The following MRPL55 variants were observed in gnomAD, a reference collection of about 807,000 sequenced individuals.
MRPL55 encodes large ribosomal subunit protein mL55.
Under a neutral mutation model 10.6 loss-of-function variants are expected in MRPL55, and 7 were observed. The observed-to-expected ratio is 0.66, with a 90% confidence interval of 0.38 to 1.24. The LOEUF is 1.24. Ranked by LOEUF, MRPL55 falls within the 50% of genes most tolerant of loss-of-function variation. The pLI is 0.02. For missense variants in MRPL55, 148 were observed against 180.3 expected (o/e 0.82, Z 1.03); for synonymous variants, 57 against 71.8 (o/e 0.79, Z 1.04).
chr1:228,108,067 C>G, intron 3 of MRPL55, 168 bp downstream of exon 3: 5 of 1,539,054 alleles, frequency 3.2e-6, no homozygotes, highest in Non-Finnish European at 3.5e-6. Flanking sequence ...GCCCCCTAGC[C>G]AGGAAGAGGC....
intron 4 of MRPL55, among the ~76,000 whole-genome samples, 198 bp from the exon 5 acceptor site, chr1:228,107,116 T>C (rs2033204499): frequency 6.6e-6 from 1 of 152,226 alleles, no homozygotes; most frequent in Non-Finnish European, 1.5e-5. Flanking sequence ...AGATTTGATG[T>C]TTTTAAAAAC....
chr1:228,107,948 G>T (rs757430934), intron 3 of MRPL55, 79 bp from the exon 4 acceptor site: 2 of 1,569,204 alleles, frequency 1.3e-6, no homozygotes, highest in East Asian at 2.4e-5. Context: ...GGCTGTGATT[G>T]GGCACTGCCG....
rs750937743 is a variant in MRPL55, at chr1:228,107,772, G to A, written c.124C>T (p.Arg42Cys). 28 of 1,613,170 alleles carry A rather than the reference G, an allele frequency of 1.7e-5. No homozygotes were observed. The highest frequency in any genetic ancestry group is 6.7e-5 in the East Asian group (3 of 44,898). The change falls in exon 4 of 5, where the codon CGT (arginine) becomes TGT (cysteine). Residue 42 changes from arginine (R) to cysteine (C), a missense_variant. Transcript: ENST00000336520. Reference sequence around the variant, plus strand: ...CGTGCATAAGCCTGGCGGTGCACACGAGTGAGTGAGGCCCTGCTGCTGTCA... The same window carrying A: ...CGTGCATAAGCCTGGCGGTGCACACAAGTGAGTGAGGCCCTGCTGCTGTCA... ...RADSSRASLT[R>C]VHRQAYARLY...
At chr1:228,108,014 G>T in intron 3 of MRPL55, 145 bp from the exon 4 acceptor site, 1 of 1,544,468 alleles carries the variant, frequency 6.5e-7, no homozygotes, top group East Asian at 2.5e-5. Context: ...GATGAGCCTC[G>T]GGGCTTCCTC....
At position 228,107,752 on chromosome 1, in the gene MRPL55, A is replaced by G. The variant is rs369822909; in HGVS notation, c.144T>C (p.Tyr48=). 5 of 1,613,180 alleles carry G rather than the reference A, an allele frequency of 3.1e-6. No homozygotes were observed. In the African/African-American group the frequency reaches 5.3e-5, roughly 17 times the overall value. The change falls in exon 4 of 5, where the codon TAT becomes TAC. Residue 48 remains tyrosine (Y), a synonymous_variant. Transcript: ENST00000336520. The stretch of plus-strand genomic sequence containing the variant: ...CCAGCAGCACGGGGTAGAGTCGTGC[A>G]TAAGCCTGGCGGTGCACACGAGTGA... The part of the protein sequence containing the change: ...ASLTRVHRQA[Y]ARLYPVLLVK...
chr1:228,107,064 A>C (rs2033200091), intron 4 of MRPL55, 146 bp from the exon 5 acceptor site: 1 of 614,978 alleles, frequency 1.6e-6, no homozygotes, highest in Admixed American at 3.1e-5. Flanking sequence ...CTCTCCCTTC[A>C]AAGCTTTCAA....
At position 228,108,266 on chromosome 1, in the gene MRPL55, C is replaced by CTTA. The variant is rs779166398; in HGVS notation, c.-9_-7dup. ...AGGCTGCCCACGGCCGCCATTCCTC[C>CTTA]TTACAGCCCCAGTGGCACGTGGAGG... On this transcript the variant is annotated 5_prime_UTR_variant, in exon 3 of 5. Transcript: ENST00000336520. The CTTA allele has an allele frequency of 6.2e-7, 1 of 1,611,216 alleles. No homozygotes were observed. Among genetic ancestry groups the CTTA allele is most frequent in the Non-Finnish European group, 8.5e-7 (1 of 1,179,016 alleles).
At chr1:228,107,140 C>T (rs914455942) in intron 4 of MRPL55, among the ~76,000 whole-genome samples, 1 of 152,234 alleles carries the variant, frequency 6.6e-6, no homozygotes, top group Admixed American at 6.5e-5. Context: ...CAAGGCCAGG[C>T]ATGATGGCTC....
At chr1:228,107,531 A>T in intron 4 of MRPL55, 137 bp downstream of exon 4, 1 of 806,586 alleles carries the variant, frequency 1.2e-6, no homozygotes, top group Non-Finnish European at 2.0e-6. Context: ...TCCAACAACC[A>T]CCTGCTCCCC....
chr1:228,106,798 C>T lies in MRPL55; in HGVS notation c.349G>A (p.Glu117Lys), dbSNP rs200596637. The change falls in exon 5 of 5, where the codon GAG becomes AAG. Residue 117 changes from glutamate to lysine, a missense_variant. Transcript: ENST00000336520. ...EQELSDDLHV[E>K]RYRQFWTRTK... is the part of the protein sequence containing the mutation. ...CTGGTCCAGAACTGTCGGTAGCGCTCCACATGCAAGTCATCACTGAGCTCC... is the reference window on the plus strand; with the variant it reads ...CTGGTCCAGAACTGTCGGTAGCGCTTCACATGCAAGTCATCACTGAGCTCC... The T allele has an allele frequency of 2.5e-6, 4 of 1,614,038 alleles. No individual in the cohort carries two copies. The Admixed American group carries it at 6.7e-5, about 27-fold the overall frequency.
intron 4 of MRPL55, 151 bp downstream of exon 4, chr1:228,107,517 C>G: frequency 2.7e-6 from 2 of 736,590 alleles, no homozygotes; most frequent in Non-Finnish European, 4.7e-6. Context: ...CCTTCCTCCA[C>G]TCCTCCAACA....
chr1:228,107,985 G>A lies in MRPL55; in HGVS notation c.27-116C>T, dbSNP rs770256037. 4.0e-5 allele frequency: 62 copies of A among 1,548,330 alleles called. No individual in the cohort carries two copies. The Admixed American group carries it at 9.2e-4, about 23-fold the overall frequency. The stretch of plus-strand genomic sequence containing the variant: ...GCCACAGGAGACATTACCAGAGCTG[G>A]TGACCCGTGCCGGGGCAGGATGAGC... On this transcript the variant is annotated intron_variant, in intron 3 of 4. Coordinates refer to ENST00000336520, the MANE Select transcript of MRPL55 (RefSeq NM_181463.3).
At position 228,108,062 on chromosome 1, in the gene MRPL55, C is replaced by G. The variant is rs964037303; in HGVS notation, c.26+173G>C. 3 of 1,540,572 alleles carry G rather than the reference C, an allele frequency of 1.9e-6. No homozygotes were observed. In the African/African-American group the frequency reaches 4.1e-5, roughly 21 times the overall value. ...CTGTGGTCAGAGGCGTTCTGGCCCC[C>G]TAGCCAGGAAGAGGCTGCCAGGCTG... On this transcript the variant is annotated intron_variant, in intron 3 of 4. Coordinates refer to ENST00000336520, the MANE Select transcript of MRPL55 (RefSeq NM_181463.3).
At chr1:228,109,103 GTACAGCGCCTCCCGCC>G (rs1380239196) in intron 1 of MRPL55, 30 bp downstream of exon 1, 1 of 152,588 alleles carries the variant, frequency 6.6e-6, no homozygotes, top group Non-Finnish European at 1.5e-5. Context: ...CACCGGGAGG[GTACAGCGCCTCCCGCC>G]TCTGTTCCCG....
chr1:228,107,405 CAG>C (rs2033248634), intron 4 of MRPL55, among the ~76,000 whole-genome samples: 1 of 152,194 alleles, frequency 6.6e-6, no homozygotes, highest in East Asian at 1.9e-4. Context: ...GCCTGGTTGA[CAG>C]AGCAAGACCC....
At chr1:228,107,983 T>C (rs1420744013) in intron 3 of MRPL55, 114 bp from the exon 4 acceptor site, 25 of 1,548,030 alleles carry the variant, frequency 1.6e-5, no homozygotes, top group Non-Finnish European at 2.2e-5. Context: ...TTACCAGAGC[T>C]GGTGACCCGT....
At chr1:228,108,132 C>T in intron 3 of MRPL55, 103 bp downstream of exon 3, 7 of 1,535,420 alleles carry the variant, frequency 4.6e-6, no homozygotes, top group Non-Finnish European at 5.3e-6. Context: ...TGGACAATAG[C>T]AAGGACTAGG....
Position 228,107,822 on chromosome 1 carries a change from C to A in MRPL55, c.74G>T (p.Arg25Leu). 6.2e-7 allele frequency: 1 copy of A among 1,613,164 alleles called. No homozygotes were observed. The highest frequency in any genetic ancestry group is 1.1e-5 in the South Asian group (1 of 91,088). ...AGCTCGCCAGGAGGATGTGTGCAGG[C>A]GGCGGAGTGCAGGTCCGGTGGCCTT... ...TVKATGPALR[R>L]LHTSSWRADS... Residue 25 changes from arginine (R) to leucine (L), a missense_variant, in exon 4 of 5, where the codon CGC becomes CTC. By Grantham distance (102) the Arg-to-Leu change is moderately radical. Coordinates refer to ENST00000336520, the MANE Select transcript of MRPL55 (RefSeq NM_181463.3).
rs1377200867 is a variant in MRPL55, at chr1:228,107,784, C to A, written c.112G>T (p.Ala38Ser). The part of the protein sequence containing the change: ...TSSWRADSSR[A>S]SLTRVHRQAY... Reference sequence around the variant, plus strand: ...TGGCGGTGCACACGAGTGAGTGAGGCCCTGCTGCTGTCAGCTCGCCAGGAG... The same window carrying A: ...TGGCGGTGCACACGAGTGAGTGAGGACCTGCTGCTGTCAGCTCGCCAGGAG... Residue 38 changes from alanine (A) to serine (S), a missense_variant, in exon 4 of 5, where the codon GCC becomes TCC. Coordinates refer to ENST00000336520, the MANE Select transcript of MRPL55 (RefSeq NM_181463.3). 31 of 1,613,174 alleles carry A rather than the reference C, an allele frequency of 1.9e-5. No individual in the cohort carries two copies. The highest frequency in any genetic ancestry group is 2.5e-5 in the Non-Finnish European group (30 of 1,180,040).
Sources: gnomAD v4.1 joint callset for allele counts (sites outside exome capture counted in the v4.1 genomes callset) on GRCh38, gnomAD v4.1.1 for gene constraint, MANE v1.5 for transcripts, NCBI Gene and HGNC (gene_info 2026-07-23, HGNC 2026-07-21) for gene names.